The following UPF2 variants were observed in gnomAD, a reference collection of about 807,000 sequenced individuals.
The protein encoded by UPF2 is regulator of nonsense transcripts 2.
Under a neutral mutation model 141.4 loss-of-function variants are expected in UPF2, and 17 were observed. The ratio of observed to expected loss-of-function variants is 0.12; its 90% CI spans 0.08 to 0.18. UPF2 has a LOEUF of 0.18. Ranked by LOEUF, UPF2 falls within the 10% of genes least tolerant of loss-of-function variation. UPF2 has a pLI of 1.00. For synonymous variants in UPF2, 540 were observed against 498.0 expected (o/e 1.08, Z -1.12); for missense variants, 1,152 against 1,515.9 (o/e 0.76, Z 3.99).
intron 1 of UPF2, among the ~76,000 whole-genome samples, chr10:12,041,732 C>T (rs759441379): frequency 1.3e-5 from 2 of 152,130 alleles, no homozygotes; most frequent in Non-Finnish European, 2.9e-5. Context: ...AAAGAACATC[C>T]TTAGTATAAA....
chr10:11,923,855 G>A (rs1042494607), intron 21 of UPF2, among the ~76,000 whole-genome samples: 24 of 151,952 alleles, frequency 1.6e-4, no homozygotes, highest in African/African-American at 5.5e-4. Flanking sequence ...CAACAAAAAA[G>A]AATGACACAC....
At chr10:12,035,589 C>CA (rs1834611143) in intron 1 of UPF2, 148 bp from the exon 2 acceptor site, 3 of 833,530 alleles carry the variant, frequency 3.6e-6, no homozygotes, top group Non-Finnish European at 5.2e-6. Context: ...ATTTCTGTTA[C>CA]AAAATAAGTT....
At chr10:11,985,884 C>CTTTTTTTTTTT (rs746117868) in intron 8 of UPF2, among the ~76,000 whole-genome samples, 4,640 of 100,430 alleles carry the variant, frequency 0.046, 801 homozygotes, top group African/African-American at 0.1. Flanking sequence ...TAGATCCTTC[C>CTTTTTTTTTTT]TTTTTTTTTT....
intron 5 of UPF2, among the ~76,000 whole-genome samples, chr10:12,002,521 G>A (rs1212376779): frequency 1.3e-5 from 2 of 152,116 alleles, no homozygotes; most frequent in African/African-American, 2.4e-5. Context: ...TTATGCAAGG[G>A]ATAATATTTA....
In UPF2 at chr10:11,978,824, G is replaced by A. The variant is rs138813591; in HGVS notation, c.1953+233C>T. 5.7e-4 allele frequency among the ~76,000 whole-genome samples: 87 copies of A among 152,212 alleles called. 1 individual carries two copies. Among genetic ancestry groups the A allele is most frequent in the African/African-American group, 2.0e-3 (82 of 41,534 alleles). On this transcript the variant is annotated intron_variant, in intron 9 of 21. Coordinates refer to ENST00000357604, the MANE Select transcript of UPF2 (RefSeq NM_015542.4). ...TAGAAAAGCAAAAAGTGCTGTTCCC[G>A]CAATGGGGGAACAAGGTAGCAGGAA...
intron 8 of UPF2, among the ~76,000 whole-genome samples, chr10:11,988,206 G>A (rs1370847951): frequency 2.6e-5 from 4 of 152,168 alleles, no homozygotes; most frequent in African/African-American, 9.7e-5. Context: ...ATCCATGAGG[G>A]ACTGGTTCCA....
intron 1 of UPF2, 170 bp from the exon 2 acceptor site, chr10:12,035,611 T>G (rs1216465097): frequency 1.0e-5 from 7 of 688,448 alleles, no homozygotes; most frequent in Non-Finnish European, 1.1e-5. Flanking sequence ...TTCATCACAT[T>G]CCACATCCTA....
intron 16 of UPF2, among the ~76,000 whole-genome samples, chr10:11,946,538 T>G (rs1833002645): frequency 6.6e-6 from 1 of 152,240 alleles, no homozygotes; most frequent in Admixed American, 6.5e-5. Flanking sequence ...AAATTTAAAC[T>G]TCTTTCAATA....
At chr10:12,002,212 A>T (rs1833964888) in intron 5 of UPF2, among the ~76,000 whole-genome samples, 2 of 152,214 alleles carry the variant, frequency 1.3e-5, no homozygotes, top group Non-Finnish European at 2.9e-5. Context: ...TGGAGACTGC[A>T]GTGAGCCGAG....
At position 11,955,311 on chromosome 10, in the gene UPF2, G is replaced by T; in HGVS notation, c.2771C>A (p.Thr924Asn). 6.2e-7 allele frequency: 1 copy of T among 1,614,122 alleles called. No homozygotes were observed. Among genetic ancestry groups the T allele is most frequent in the Non-Finnish European group, 8.5e-7 (1 of 1,180,028 alleles). The change falls in exon 14 of 22, where the codon ACT (threonine) becomes AAT (asparagine). Residue 924 changes from threonine (T) to asparagine (N), a missense_variant. Physicochemically the swap from Thr to Asn is moderately conservative, Grantham distance 65 (BLOSUM62 0). This residue lies in a region of UPF2 where 739 missense variants were observed against 1,032.2 expected (regional missense o/e 0.72). Transcript: ENST00000357604. ...GTACTGGCCACATGTGTCCAGAATA[G>T]TGCATACGAGTCTAATTCTGAAAAG... is the stretch of plus-strand genomic sequence containing the variant. Reference protein sequence around the residue: ...EHLFRIRLVCTILDTCGQYFD... With the variant: ...EHLFRIRLVCNILDTCGQYFD...
chr10:11,942,503 C>T (rs1832949014), intron 18 of UPF2, among the ~76,000 whole-genome samples, 162 bp downstream of exon 18: 1 of 152,132 alleles, frequency 6.6e-6, no homozygotes, highest in Admixed American at 6.5e-5. Flanking sequence ...ATGTGGGATA[C>T]AAGAAGGACA....
At chr10:11,999,543 G>GA (rs1339781079) in intron 7 of UPF2, among the ~76,000 whole-genome samples, 5 of 125,094 alleles carry the variant, frequency 4.0e-5, no homozygotes, top group African/African-American at 6.0e-5. Flanking sequence ...ACACACACAA[G>GA]AAAAAAAAAC....
At position 11,920,296 on chromosome 10, in the gene UPF2, T is replaced by C. The variant is rs1191121738; in HGVS notation, c.*1002A>G. The C allele has an allele frequency of 6.6e-6, 1 of 151,906 alleles. No homozygotes were observed. The highest frequency in any genetic ancestry group is 1.5e-5 in the Non-Finnish European group (1 of 67,990). 9.4% of individuals were successfully genotyped at this position (151,906 alleles called of 1,614,324 possible). A position where few individuals can be genotyped will look rare whatever the true frequency, so the allele number is the denominator to read the frequency against. ...ACAGCTGTCCTAAGAAATTAACAGATTGTCAGAAACAGACTAAGGACCCTC... is the reference window on the plus strand; with the variant it reads ...ACAGCTGTCCTAAGAAATTAACAGACTGTCAGAAACAGACTAAGGACCCTC... On this transcript the variant is annotated 3_prime_UTR_variant, in exon 22 of 22. Coordinates refer to ENST00000357604, the MANE Select transcript of UPF2 (RefSeq NM_015542.4).
At chr10:11,952,544 A>G (rs916503770) in intron 14 of UPF2, among the ~76,000 whole-genome samples, 8 of 134,480 alleles carry the variant, frequency 5.9e-5, no homozygotes, top group Admixed American at 1.9e-4. Flanking sequence ...GCGCCATCTC[A>G]GCTCACTGCA....
In UPF2 at chr10:12,028,759, A is replaced by C; in HGVS notation, c.1131T>G (p.Thr377=). The C allele has an allele frequency of 6.3e-7, 1 of 1,585,920 alleles. No homozygotes were observed. Among genetic ancestry groups the C allele is most frequent in the Non-Finnish European group, 8.6e-7 (1 of 1,169,250 alleles). Residue 377 remains threonine (T), a synonymous_variant, in exon 3 of 22, where the codon ACT becomes ACG. Transcript: ENST00000357604. ...TTGAAAATCACCTGTTTTGTCTCTC[A>C]GTATTCTGGAGCTCCCTGTGGTCCC... ...LKRDHRELQN[T]ERQNRRILHS... is the part of the protein sequence containing the mutation.
Position 12,039,463 on chromosome 10 carries a change from G to A in UPF2, c.-19+3292C>T, listed in dbSNP as rs962364282. On this transcript the variant is annotated intron_variant, in intron 1 of 21. Transcript: ENST00000357604. Reference sequence around the variant, plus strand: ...ATATGGGGACAATTTAATATCTAAGGTAATAACATGATCTTATTGAAGGAT... The same window carrying A: ...ATATGGGGACAATTTAATATCTAAGATAATAACATGATCTTATTGAAGGAT... 5.9e-5 allele frequency among the ~76,000 whole-genome samples: 9 copies of A among 152,182 alleles called. No homozygotes were observed. The East Asian group carries it at 9.6e-4, about 16-fold the overall frequency.
rs34766091 is a variant in UPF2, at chr10:11,939,517, C to CTTTTTTT, written c.3379-2812_3379-2806dup. 6.8e-6 allele frequency among the ~76,000 whole-genome samples: 1 copy of CTTTTTTT among 146,462 alleles called. No homozygotes were observed. Among genetic ancestry groups the CTTTTTTT allele is most frequent in the Non-Finnish European group, 1.5e-5 (1 of 66,470 alleles). ...TTATTGTCAGTTTAAAATGTTTTATCTTTTTTTTTTTTTAAGACGAAGTCT... is the reference window on the plus strand; with the variant it reads ...TTATTGTCAGTTTAAAATGTTTTATCTTTTTTTTTTTTTTTTTTTTAAGACGAAGTCT... On this transcript the variant is annotated intron_variant, in intron 18 of 21. Coordinates refer to ENST00000357604, the MANE Select transcript of UPF2 (RefSeq NM_015542.4). The surrounding 1 kb of genome is among the most constrained non-coding windows in gnomAD (Gnocchi z 4.8).
At chr10:12,000,801 C>T (rs1432021153) in intron 6 of UPF2, among the ~76,000 whole-genome samples, 1 of 151,758 alleles carries the variant, frequency 6.6e-6, no homozygotes, top group African/African-American at 2.4e-5. Flanking sequence ...GAAACCCTGT[C>T]TCAAAAAAGT....
chr10:11,934,399 G>A (rs533149070), intron 19 of UPF2, among the ~76,000 whole-genome samples: 5 of 152,158 alleles, frequency 3.3e-5, no homozygotes, highest in Non-Finnish European at 2.9e-5. Context: ...AACCCTGGTC[G>A]AAGGAGGGGA....
Sources: allele counts gnomAD v4.1 joint callset (sites outside exome capture counted in the v4.1 genomes callset), GRCh38; gene constraint gnomAD v4.1.1; regional missense constraint gnomAD v4.1.1; non-coding constraint Gnocchi (gnomAD v3.1); transcripts MANE v1.5; gene names NCBI Gene and HGNC (gene_info 2026-07-23, HGNC 2026-07-21).